The following PAG1 variants were observed in gnomAD, a reference collection of about 807,000 sequenced individuals.
PAG1 encodes phosphoprotein membrane anchor with glycosphingolipid microdomains 1, also known as phosphoprotein associated with glycosphingolipid-enriched microdomains 1.
Under a neutral mutation model 31.7 loss-of-function variants are expected in PAG1, and 23 were observed. The observed-to-expected ratio is 0.73, with a 90% CI of 0.52 to 1.03. PAG1 has a LOEUF of 1.03. Among genes scored for constraint, PAG1 ranks in the 50% least tolerant of loss-of-function variants. The pLI, the probability that PAG1 is intolerant of heterozygous loss-of-function variation, is 0.00. For synonymous variants in PAG1, 214 were observed against 210.3 expected, an observed-to-expected ratio of 1.02 and a Z score of -0.15; for missense variants, 473 against 540.7, an observed-to-expected ratio of 0.87 and a Z score of 1.24.
intron 1 of PAG1, among the ~76,000 whole-genome samples, chr8:81,082,146 G>A (rs1052815810): frequency 6.6e-5 from 10 of 151,416 alleles, no homozygotes; most frequent in African/African-American, 2.2e-4. Flanking sequence ...CCAGCTACTC[G>A]GGAGGCTGAG....
rs143789426 is a variant in PAG1, at chr8:81,003,522, C to G, written c.-80-10215G>C. Among the ~76,000 whole-genome samples the G allele has an allele frequency of 2.6e-5, 4 of 152,268 alleles. No individual in the cohort carries two copies. In the East Asian group the frequency reaches 7.7e-4, roughly 29 times the overall value. Reference sequence around the variant, plus strand: ...AATATAAGGCAGCTCTTTCCCACTCCAGAGTCTGGTAAAATGGCAGTGATC... The same window carrying G: ...AATATAAGGCAGCTCTTTCCCACTCGAGAGTCTGGTAAAATGGCAGTGATC... On this transcript the variant is annotated intron_variant, in intron 3 of 8. Transcript: ENST00000220597.
intron 3 of PAG1, among the ~76,000 whole-genome samples, chr8:81,019,081 T>C (rs1252947736): frequency 1.3e-5 from 2 of 152,222 alleles, no homozygotes. Flanking sequence ...ACTCTTGCTA[T>C]GCAAAGAGAC....
chr8:80,976,759 C>T lies in PAG1; in HGVS notation c.1084G>A (p.Val362Ile), dbSNP rs761842214. 1.9e-6 allele frequency: 3 copies of T among 1,614,184 alleles called. No individual in the cohort carries two copies. The highest frequency in any genetic ancestry group is 2.5e-6 in the Non-Finnish European group (3 of 1,180,014). ...PSSCNDLYATVKDFEKTPNST... is the reference protein window; with the variant it reads ...PSSCNDLYATIKDFEKTPNST... ...TTTGGAGTTTTTTCGAAGTCTTTAA[C>T]AGTAGCATAGAGATCATTACAGGAG... Residue 362 changes from valine to isoleucine, a missense_variant, in exon 9 of 9, where the codon GTT (valine) becomes ATT (isoleucine). Transcript: ENST00000220597.
chr8:81,085,897 GT>G (rs1809343232), intron 1 of PAG1, among the ~76,000 whole-genome samples: 2 of 124,264 alleles, frequency 1.6e-5, no homozygotes, highest in African/African-American at 3.1e-5. Context: ...GGTCAATTAT[GT>G]TTTTTTGGTT....
At chr8:81,018,925 T>C (rs546032895) in intron 3 of PAG1, among the ~76,000 whole-genome samples, 7 of 152,268 alleles carry the variant, frequency 4.6e-5, no homozygotes, top group Non-Finnish European at 8.8e-5. Context: ...CAGAAGAAGA[T>C]AAGAAAATGT....
chr8:81,053,905 C>A (rs939900415), intron 2 of PAG1, among the ~76,000 whole-genome samples: 1 of 152,090 alleles, frequency 6.6e-6, no homozygotes, highest in African/African-American at 2.4e-5. Flanking sequence ...CTGTAAAGGG[C>A]CAGAGAGTAA....
At position 81,081,679 on chromosome 8, in the gene PAG1, A is replaced by T. The variant is rs140696748; in HGVS notation, c.-233-11509T>A. 3.2e-3 allele frequency among the ~76,000 whole-genome samples: 480 copies of T among 152,276 alleles called. 14 individuals are homozygous for T. The highest frequency in any genetic ancestry group is 0.03 in the Admixed American group (461 of 15,290). On this transcript the variant is annotated intron_variant, in intron 1 of 8. Coordinates refer to ENST00000220597, the MANE Select transcript of PAG1 (RefSeq NM_018440.4). Reference sequence around the variant, plus strand: ...TGTTATATAAATGGAGTCATGTTACATGTAGCCATTTGGGATTGGGCTTAT... The same window carrying T: ...TGTTATATAAATGGAGTCATGTTACTTGTAGCCATTTGGGATTGGGCTTAT...
At position 81,093,445 on chromosome 8, in the gene PAG1, T is replaced by C. The variant is rs1809479019; in HGVS notation, c.-234+18146A>G. On this transcript the variant is annotated intron_variant, in intron 1 of 8. Transcript: ENST00000220597. ...TCAACACATAAATGCTTTCGCATTT[T>C]ATCACAAAGCTAAAGCCTCTCCCTC... 2.0e-5 allele frequency among the ~76,000 whole-genome samples: 3 copies of C among 152,184 alleles called. No homozygotes were observed. In the South Asian group the frequency reaches 6.2e-4, roughly 31 times the overall value.
At chr8:81,013,346 G>A (rs1398208347) in intron 3 of PAG1, among the ~76,000 whole-genome samples, 1 of 152,178 alleles carries the variant, frequency 6.6e-6, no homozygotes, top group Non-Finnish European at 1.5e-5. Context: ...TTTCAGAGCT[G>A]CCATCCCATA....
In PAG1 at chr8:80,969,118, T is replaced by G. The variant is rs978486704; in HGVS notation, c.*7426A>C. 1 of 152,226 alleles carries G rather than the reference T, an allele frequency of 6.6e-6. No homozygotes were observed. The highest frequency in any genetic ancestry group is 6.5e-5 in the Admixed American group (1 of 15,280). 9.4% of individuals were successfully genotyped at this position (152,226 alleles called of 1,614,324 possible). A position where few individuals can be genotyped will look rare whatever the true frequency, so the allele number is the denominator to read the frequency against. On this transcript the variant is annotated 3_prime_UTR_variant, in exon 9 of 9. Coordinates refer to ENST00000220597, the MANE Select transcript of PAG1 (RefSeq NM_018440.4). ...TTTCACATTGCTTCTCCTCAAGACA[T>G]GAGCATTGCTGCAGGCATGGCCATC... is the stretch of plus-strand genomic sequence containing the variant.
intron 2 of PAG1, among the ~76,000 whole-genome samples, chr8:81,067,219 A>G (rs1311559738): frequency 6.6e-6 from 1 of 152,202 alleles, no homozygotes; most frequent in Non-Finnish European, 1.5e-5. Context: ...AGGGAAAAGT[A>G]CCAGCCAAGA....
intron 2 of PAG1, among the ~76,000 whole-genome samples, chr8:81,030,558 G>A (rs1054127821): frequency 1.3e-5 from 2 of 152,228 alleles, no homozygotes; most frequent in African/African-American, 2.4e-5. Context: ...CTTATTAGAA[G>A]GAGACTTTGG....
At chr8:81,055,460 A>C (rs1264381834) in intron 2 of PAG1, among the ~76,000 whole-genome samples, 1 of 152,142 alleles carries the variant, frequency 6.6e-6, no homozygotes, top group Non-Finnish European at 1.5e-5. Flanking sequence ...CTGATAGTTA[A>C]ATACATTTAA....
rs542728073 is a variant in PAG1 at position 80,973,562 on chromosome 8, T to G, written c.*2982A>C. ...ACAAGATAAAAAAATTTCCTAAAAT[T>G]TATTTTTAAATTTCACATAACCTGC... On this transcript the variant is annotated 3_prime_UTR_variant, in exon 9 of 9. Coordinates refer to ENST00000220597, the MANE Select transcript of PAG1 (RefSeq NM_018440.4). 2 of 152,310 alleles carry G rather than the reference T, an allele frequency of 1.3e-5. No individual in the cohort carries two copies. The highest frequency in any genetic ancestry group is 4.8e-5 in the African/African-American group (2 of 41,566). The allele number at this position is 152,310 out of a possible 1,614,324, so 9.4% of individuals were successfully genotyped here.
At chr8:81,014,730 G>A (rs781439200) in intron 3 of PAG1, among the ~76,000 whole-genome samples, 1 of 152,162 alleles carries the variant, frequency 6.6e-6, no homozygotes, top group Non-Finnish European at 1.5e-5. Flanking sequence ...CACTCAGAGA[G>A]GAAGAAAGTG....
At chr8:81,047,413 G>A (rs926662847) in intron 2 of PAG1, among the ~76,000 whole-genome samples, 2 of 152,076 alleles carry the variant, frequency 1.3e-5, no homozygotes, top group East Asian at 3.9e-4. Flanking sequence ...TCTCATTGTG[G>A]TTTTGATTTG....
intron 2 of PAG1, among the ~76,000 whole-genome samples, chr8:81,031,882 C>A (rs1586177065): frequency 6.6e-6 from 1 of 152,238 alleles, no homozygotes; most frequent in East Asian, 1.9e-4. Flanking sequence ...CTTTAGCATC[C>A]AGGAATAAAC....
At chr8:81,032,941 T>C (rs531640806) in intron 2 of PAG1, among the ~76,000 whole-genome samples, 2 of 152,230 alleles carry the variant, frequency 1.3e-5, no homozygotes, top group South Asian at 2.1e-4. Flanking sequence ...CTTGAAAACA[T>C]GCTAAGTGAA....
chr8:81,076,113 A>C (rs558270509), intron 1 of PAG1, among the ~76,000 whole-genome samples: 2 of 152,320 alleles, frequency 1.3e-5, no homozygotes, highest in East Asian at 3.9e-4. Flanking sequence ...CGGGAACAGA[A>C]CCTGTTCTGC....
Sources: allele counts gnomAD v4.1 joint callset (sites outside exome capture counted in the v4.1 genomes callset), GRCh38; gene constraint gnomAD v4.1.1; transcripts MANE v1.5; gene names NCBI Gene and HGNC (gene_info 2026-07-23, HGNC 2026-07-21).